DLG2: variants seen among roughly 807,000 people sequenced by gnomAD.
DLG2 encodes the protein discs large MAGUK scaffold protein 2.
A neutral mutation model predicts 132.5 loss-of-function variants in DLG2; 45 were observed. The ratio of observed to expected loss-of-function variants is 0.34; its 90% CI spans 0.27 to 0.44. The LOEUF (loss-of-function observed/expected upper bound fraction) is 0.44. DLG2 is among the 20% of genes least tolerant of loss of function. DLG2 has a pLI of 1.00. For missense variants in DLG2, 1,045 were observed against 1,196.9 expected (o/e 0.87, Z 1.87); for synonymous variants, 424 against 419.6 (o/e 1.01, Z -0.13).
chr11:83,564,245 T>C (rs1350646646), intron 19 of DLG2, among the ~76,000 whole-genome samples: 1 of 152,188 alleles, frequency 6.6e-6, no homozygotes, highest in African/African-American at 2.4e-5. Context: ...CAATTACTTA[T>C]TTTAGAAAAA....
chr11:85,279,513 ACT>A (rs1323076405), intron 4 of DLG2, among the ~76,000 whole-genome samples: 1 of 151,930 alleles, frequency 6.6e-6, no homozygotes. Context: ...GTATGAAAAC[ACT>A]CACTTCTCCT....
Position 83,855,900 on chromosome 11 carries a change from T to C in DLG2, c.1565+18520A>G, listed in dbSNP as rs542663908. Among the ~76,000 whole-genome samples the C allele has an allele frequency of 5.3e-5, 8 of 152,246 alleles. No homozygotes were observed. In the South Asian group the frequency reaches 6.2e-4, roughly 12 times the overall value. ...ACATAGGTAAACTTGTTTGTTGTACTTGAAGGTTTGTTGTACAGGTTATGT... is the reference window on the plus strand; with the variant it reads ...ACATAGGTAAACTTGTTTGTTGTACCTGAAGGTTTGTTGTACAGGTTATGT... On this transcript the variant is annotated intron_variant, in intron 16 of 27. Transcript: ENST00000376104.
At chr11:84,993,266 G>A (rs1262962129) in intron 6 of DLG2, among the ~76,000 whole-genome samples, 1 of 152,184 alleles carries the variant, frequency 6.6e-6, no homozygotes, top group Non-Finnish European at 1.5e-5. Context: ...CTGTCGGAGG[G>A]TGGGGGGCAA....
intron 18 of DLG2, among the ~76,000 whole-genome samples, chr11:83,708,517 T>C (rs933527924): frequency 6.6e-5 from 10 of 152,346 alleles, no homozygotes; most frequent in African/African-American, 2.2e-4. Flanking sequence ...AGAAATTTGG[T>C]AATCATTCTC....
intron 7 of DLG2, among the ~76,000 whole-genome samples, chr11:84,360,719 CAGAG>C (rs1478551890): frequency 1.3e-5 from 2 of 151,714 alleles, no homozygotes; most frequent in South Asian, 4.2e-4. Context: ...CATGAACAGA[CAGAG>C]AGTCAGAGAG....
chr11:84,871,643 C>G (rs2085471456), intron 6 of DLG2, among the ~76,000 whole-genome samples: 1 of 151,576 alleles, frequency 6.6e-6, no homozygotes, highest in Admixed American at 6.6e-5. Flanking sequence ...ATAAACATTA[C>G]TGGTGGGATA....
chr11:84,825,268 T>C (rs2078196260), intron 6 of DLG2, among the ~76,000 whole-genome samples: 1 of 151,828 alleles, frequency 6.6e-6, no homozygotes, highest in African/African-American at 2.4e-5. Flanking sequence ...TCTTACTGTA[T>C]TTGTATTGGT....
chr11:84,681,421 A>G (rs541945467), intron 6 of DLG2, among the ~76,000 whole-genome samples: 43 of 152,308 alleles, frequency 2.8e-4, no homozygotes, highest in African/African-American at 9.9e-4. Flanking sequence ...ACCCAGATCA[A>G]TCTAGCTGGT....
intron 6 of DLG2, among the ~76,000 whole-genome samples, chr11:84,857,121 AAC>A (rs1449799367): frequency 6.6e-6 from 1 of 151,708 alleles, no homozygotes; most frequent in Non-Finnish European, 1.5e-5. Flanking sequence ...TCTGGGCAAA[AAC>A]AGTTAGAGAT....
chr11:84,711,241 A>G (rs1219013239), intron 6 of DLG2, among the ~76,000 whole-genome samples: 2 of 151,260 alleles, frequency 1.3e-5, no homozygotes, highest in Non-Finnish European at 2.9e-5. Flanking sequence ...TTACTAGACA[A>G]GAATGGCCAA....
chr11:83,488,099 T>G (rs181749732), intron 21 of DLG2, among the ~76,000 whole-genome samples: 1 of 152,160 alleles, frequency 6.6e-6, no homozygotes, highest in African/African-American at 2.4e-5. Flanking sequence ...AGCCATTTCT[T>G]TTTAAAAAAG....
At chr11:84,482,015 A>G (rs2099139090) in intron 7 of DLG2, among the ~76,000 whole-genome samples, 1 of 152,210 alleles carries the variant, frequency 6.6e-6, no homozygotes, top group South Asian at 2.1e-4. Context: ...ATTGCATTAA[A>G]TTATCTATTT....
At chr11:83,636,145 C>T (rs2064787284) in intron 18 of DLG2, among the ~76,000 whole-genome samples, 1 of 152,178 alleles carries the variant, frequency 6.6e-6, no homozygotes. Flanking sequence ...CTTCCAGCTG[C>T]CCCTTCTTAA....
intron 7 of DLG2, among the ~76,000 whole-genome samples, chr11:84,287,116 T>C (rs922551449): frequency 2.0e-5 from 3 of 152,170 alleles, no homozygotes; most frequent in Admixed American, 2.0e-4. Flanking sequence ...CAAATAATAA[T>C]TGTTACCTAT....
At chr11:84,652,417 T>G (rs1014018236) in intron 6 of DLG2, among the ~76,000 whole-genome samples, 1 of 152,188 alleles carries the variant, frequency 6.6e-6, no homozygotes, top group African/African-American at 2.4e-5. Flanking sequence ...CCCTTCTGTC[T>G]TGAGAGATTG....
chr11:85,553,965 G>A (rs1049213513), intron 3 of DLG2, among the ~76,000 whole-genome samples: 2 of 151,098 alleles, frequency 1.3e-5, no homozygotes, highest in African/African-American at 4.8e-5. Context: ...GAAAGTAACA[G>A]CATGACATAT....
At chr11:83,971,695 G>C (rs550622652) in intron 12 of DLG2, among the ~76,000 whole-genome samples, 39 of 152,058 alleles carry the variant, frequency 2.6e-4, no homozygotes, top group Non-Finnish European at 5.0e-4. Context: ...AAACTCTAAA[G>C]TTAACTTTTA....
rs748702705 is a variant in DLG2 at position 84,214,222 on chromosome 11, C to CATATATACATATATATGAATAT, written c.573+36994_573+37015dup. 9.1e-5 allele frequency among the ~76,000 whole-genome samples: 12 copies of CATATATACATATATATGAATAT among 131,262 alleles called. 1 individual carries two copies. Among genetic ancestry groups the CATATATACATATATATGAATAT allele is most frequent in the Admixed American group, 1.4e-4 (2 of 13,822 alleles). The allele number at this position is 131,262 out of a possible 152,430, so 86.1% of individuals were successfully genotyped here. ...ATATATATACATATATATATGAATA[C>CATATATACATATATATGAATAT]ATATATACATATATATGAATATATA... On this transcript the variant is annotated intron_variant, in intron 8 of 27. Transcript: ENST00000376104.
At position 83,675,768 on chromosome 11, in the gene DLG2, A is replaced by G. The variant is rs113507894; in HGVS notation, c.1826-42443T>C. On this transcript the variant is annotated intron_variant, in intron 18 of 27. Coordinates refer to ENST00000376104, the MANE Select transcript of DLG2 (RefSeq NM_001142699.3). ...AATAGTGCCAACGTAAAGATAGGCAACGAGTTGAACAATTACTTCATTAGC... is the reference window on the plus strand; with the variant it reads ...AATAGTGCCAACGTAAAGATAGGCAGCGAGTTGAACAATTACTTCATTAGC... Among the ~76,000 whole-genome samples the G allele has an allele frequency of 2.8e-3, 426 of 152,296 alleles. 3 individuals are homozygous for G. Among genetic ancestry groups the G allele is most frequent in the African/African-American group, 9.8e-3 (407 of 41,568 alleles).
Sources: allele counts gnomAD v4.1 joint callset (sites outside exome capture counted in the v4.1 genomes callset), GRCh38; gene constraint gnomAD v4.1.1; transcripts MANE v1.5; gene names NCBI Gene and HGNC (gene_info 2026-07-23, HGNC 2026-07-21).